The following TRRAP variants were observed in gnomAD, a reference collection of about 807,000 sequenced individuals.
TRRAP encodes transformation/transcription domain-associated protein.
In TRRAP, 41 loss-of-function variants were observed where a neutral mutation model predicts 438.8. The observed-to-expected ratio is 0.09, with a 90% CI of 0.07 to 0.12. The LOEUF (loss-of-function observed/expected upper bound fraction) is 0.12, where lower values mean the gene tolerates loss of function less well. Ranked by LOEUF, TRRAP falls within the 10% of genes least tolerant of loss-of-function variation. The probability of loss-of-function intolerance (pLI) is 1.00; values close to 1 mark genes in which losing one functional copy is unlikely to be tolerated. For synonymous variants in TRRAP, 1,994 were observed against 1,962.9 expected, an observed-to-expected ratio of 1.02 and a Z score of -0.42; for missense variants, 3,122 against 5,055.1, an observed-to-expected ratio of 0.62 and a Z score of 11.60.
rs782034950 is a variant in TRRAP at position 98,953,468 on chromosome 7, G to A, written c.5730+35G>A. 3.1e-6 allele frequency: 5 copies of A among 1,597,556 alleles called. No individual in the cohort carries two copies. The South Asian group carries it at 5.5e-5, about 18-fold the overall frequency. The stretch of plus-strand genomic sequence containing the variant: ...AAGCCCCTCCTGTCCGCCGACATCA[G>A]CGTGAATCTCACATGGTGCACTTGG... On this transcript the variant is annotated intron_variant, in intron 40 of 72. Transcript: ENST00000456197.
rs763942483 is a variant in TRRAP at position 98,959,497 on chromosome 7, G to A, written c.6489+7G>A. Reference sequence around the variant, plus strand: ...CAAGCTGCTGATGACTGTGGTGAGTGCGAGTGTCTGAAGGGCCAGGGCAGC... The same window carrying A: ...CAAGCTGCTGATGACTGTGGTGAGTACGAGTGTCTGAAGGGCCAGGGCAGC... On this transcript the variant is annotated splice_region_variant and intron_variant, in intron 45 of 72. Coordinates refer to ENST00000456197, the MANE Select transcript of TRRAP (RefSeq NM_001375524.1). The A allele has an allele frequency of 6.2e-7, 1 of 1,613,040 alleles. No homozygotes were observed. Among genetic ancestry groups the A allele is most frequent in the South Asian group, 1.1e-5 (1 of 90,930 alleles).
intron 50 of TRRAP, 30 bp from the exon 51 acceptor site, chr7:98,967,455 G>A (rs752050577): frequency 9.3e-6 from 15 of 1,611,008 alleles, no homozygotes; most frequent in East Asian, 4.5e-5. Context: ...GGAGTCCATC[G>A]TCTTGCCTGT....
At chr7:99,009,656 G>A (rs1554431694) in intron 70 of TRRAP, among the ~76,000 whole-genome samples, 1 of 152,146 alleles carries the variant, frequency 6.6e-6, no homozygotes, top group Non-Finnish European at 1.5e-5. Context: ...TTCTTAAGGC[G>A]ACATTAACTT....
rs903191941 is a variant in TRRAP at position 98,983,589 on chromosome 7, A to C, written c.9022+130A>C. 5 of 962,820 alleles carry C rather than the reference A, an allele frequency of 5.2e-6. No homozygotes were observed. The African/African-American group carries it at 8.3e-5, about 16-fold the overall frequency. 59.6% of individuals were successfully genotyped at this position (962,820 alleles called of 1,614,324 possible). On this transcript the variant is annotated intron_variant, in intron 60 of 72. Coordinates refer to ENST00000456197, the MANE Select transcript of TRRAP (RefSeq NM_001375524.1). ...TCCCCCAGGTTTTCTATTTTGGGGT[A>C]GGGAATGACAGGTCGGGGTGGTAAT...
In TRRAP at chr7:98,987,522, G is replaced by C. The variant is rs78165537; in HGVS notation, c.9390-1243G>C. On this transcript the variant is annotated intron_variant, in intron 62 of 72. Coordinates refer to ENST00000456197, the MANE Select transcript of TRRAP (RefSeq NM_001375524.1). ...TCATTGCTAACATTTGGAAATACCA[G>C]GGTTTTGTATATTGATCTTAGATTT... is the stretch of plus-strand genomic sequence containing the variant. Among the ~76,000 whole-genome samples the C allele has an allele frequency of 5.6e-3, 851 of 152,304 alleles. 6 individuals carry two copies. Among genetic ancestry groups the C allele is most frequent in the African/African-American group, 0.019 (807 of 41,562 alleles).
chr7:98,959,207 G>C, intron 44 of TRRAP, 137 bp from the exon 45 acceptor site: 1 of 1,217,742 alleles, frequency 8.2e-7, no homozygotes, highest in South Asian at 1.5e-5. Context: ...GTGGAGGTCA[G>C]GCGGAAGAGA....
chr7:99,004,007 A>G (rs1241582029), intron 67 of TRRAP, among the ~76,000 whole-genome samples, 183 bp from the exon 68 acceptor site: 3 of 152,192 alleles, frequency 2.0e-5, no homozygotes, highest in Non-Finnish European at 4.4e-5. Context: ...CGGGAGGCGG[A>G]CGTTGCAGTG....
intron 2 of TRRAP, chr7:98,881,749 G>T (rs1329988060): frequency 8.1e-6 from 4 of 492,426 alleles, no homozygotes; most frequent in Non-Finnish European, 1.4e-5. Flanking sequence ...ACGTGTGTGT[G>T]TTTGTGTGTG....
chr7:98,945,608 T>G (rs1791016787), intron 31 of TRRAP, 139 bp from the exon 32 acceptor site: 1 of 943,472 alleles, frequency 1.1e-6, no homozygotes, highest in African/African-American at 1.7e-5. Flanking sequence ...GAGCATTTGT[T>G]AATTACTGTG....
intron 2 of TRRAP, 44 bp from the exon 3 acceptor site, chr7:98,881,931 T>G (rs781829783): frequency 6.3e-7 from 1 of 1,587,426 alleles, no homozygotes; most frequent in Non-Finnish European, 8.5e-7. Flanking sequence ...CATAATTTCC[T>G]TAACATAATT....
intron 38 of TRRAP, among the ~76,000 whole-genome samples, 165 bp downstream of exon 38, chr7:98,950,427 C>T (rs1554417983): frequency 6.6e-6 from 1 of 152,056 alleles, no homozygotes; most frequent in Non-Finnish European, 1.5e-5. Context: ...GAGGCCACAG[C>T]GGGAGGATTG....
At chr7:98,999,188 C>G in intron 67 of TRRAP, 1 of 1,499,116 alleles carries the variant, frequency 6.7e-7, no homozygotes, top group East Asian at 2.3e-5. Flanking sequence ...TCAAAGCAGT[C>G]CTTCAGATAG....
In TRRAP at chr7:99,005,038, C is replaced by G. The variant is rs1794099216; in HGVS notation, c.10536-93C>G. 2 of 1,318,076 alleles carry G rather than the reference C, an allele frequency of 1.5e-6. No homozygotes were observed. Among genetic ancestry groups the G allele is most frequent in the Non-Finnish European group, 2.2e-6 (2 of 928,696 alleles). 81.6% of individuals were successfully genotyped at this position (1,318,076 alleles called of 1,614,324 possible). On this transcript the variant is annotated intron_variant, in intron 68 of 72. Transcript: ENST00000456197. The surrounding 1 kb of genome is among the most constrained non-coding windows in gnomAD (Gnocchi z 5.1). ...ACCGCTGGCCTACACAGTCCGTTTT[C>G]CCGTGACAGTTCGGACATTCCTAGC...
At chr7:99,001,017 C>T (rs219829) in intron 67 of TRRAP, among the ~76,000 whole-genome samples, 45,311 of 152,170 alleles carry the variant, frequency 0.3, 11,150 homozygotes, top group African/African-American at 0.68. Context: ...GTGTGGTATT[C>T]AAAGAATCTC....
chr7:98,889,831 C>T (rs1175740942), intron 3 of TRRAP, among the ~76,000 whole-genome samples: 10 of 152,044 alleles, frequency 6.6e-5, no homozygotes, highest in East Asian at 1.9e-4. Context: ...GTGGGATTAC[C>T]GGCATGAGCT....
intron 1 of TRRAP, among the ~76,000 whole-genome samples, chr7:98,880,575 T>G (rs1312284761): frequency 1.3e-5 from 2 of 152,214 alleles, no homozygotes; most frequent in Non-Finnish European, 2.9e-5. Context: ...TGCATGATTT[T>G]ATACCGCCCA....
At chr7:98,955,708 A>G (rs1422367465) in intron 41 of TRRAP, among the ~76,000 whole-genome samples, 1 of 152,152 alleles carries the variant, frequency 6.6e-6, no homozygotes, top group African/African-American at 2.4e-5. Flanking sequence ...ATTTATATGT[A>G]AATGTTTCTT....
At chr7:98,935,206 G>T (rs1790503954) in intron 27 of TRRAP, among the ~76,000 whole-genome samples, 1 of 152,098 alleles carries the variant, frequency 6.6e-6, no homozygotes, top group African/African-American at 2.4e-5. Flanking sequence ...ACTTGTCTGA[G>T]GCCCTGGGGA....
intron 11 of TRRAP, among the ~76,000 whole-genome samples, chr7:98,901,904 T>G (rs1169683760): frequency 1.4e-4 from 22 of 152,210 alleles, no homozygotes; most frequent in African/African-American, 4.8e-4. Context: ...AAGTGTACAA[T>G]TAAGTGGTTT....
Sources: gnomAD v4.1 joint callset for allele counts (sites outside exome capture counted in the v4.1 genomes callset) on GRCh38, gnomAD v4.1.1 for gene constraint, Gnocchi (gnomAD v3.1) non-coding constraint, MANE v1.5 for transcripts, NCBI Gene and HGNC (gene_info 2026-07-23, HGNC 2026-07-21) for gene names.